The following TRPC5OS variants were observed in gnomAD, a reference collection of about 807,000 sequenced individuals.
TRPC5OS encodes TRPC5 opposite strand, also known as putative uncharacterized protein TRPC5OS.
For synonymous variants in TRPC5OS, 30 were observed against 29.3 expected, an observed-to-expected ratio of 1.02 and a Z score of -0.08; for missense variants, 64 against 79.3, an observed-to-expected ratio of 0.81 and a Z score of 0.73.
intron 1 of TRPC5OS, among the ~76,000 whole-genome samples, chrX:111,878,085 G>A (rs935899695): frequency 3.6e-5 from 4 of 110,582 alleles, no homozygotes; most frequent in African/African-American, 1.3e-4. Flanking sequence ...TGAGGAGAAG[G>A]GAAAGAGTAG....
intron 1 of TRPC5OS, among the ~76,000 whole-genome samples, chrX:111,891,839 G>A (rs761702884): frequency 1.8e-5 from 2 of 111,868 alleles, no homozygotes; most frequent in African/African-American, 6.5e-5. Flanking sequence ...GAGCCACCGC[G>A]CTTGGCCGCT....
intron 1 of TRPC5OS, among the ~76,000 whole-genome samples, chrX:111,882,653 G>C (rs915457755): frequency 1.8e-5 from 2 of 112,867 alleles, no homozygotes; most frequent in African/African-American, 3.2e-5. Flanking sequence ...CCTAGTTAAG[G>C]CTTGCTCAGC....
intron 3 of TRPC5OS, among the ~76,000 whole-genome samples, chrX:111,898,886 G>A (rs1483394276): frequency 9.1e-6 from 1 of 109,944 alleles, no homozygotes; most frequent in African/African-American, 3.3e-5. Context: ...CCACCAAGGA[G>A]AAAGGGATCC....
At chrX:111,878,981 A>AG (rs1924081610) in intron 1 of TRPC5OS, among the ~76,000 whole-genome samples, 1 of 112,179 alleles carries the variant, frequency 8.9e-6, no homozygotes, top group Non-Finnish European at 1.9e-5. Context: ...TACTGAAACA[A>AG]TGCCAACATA....
rs1409202717 is a variant in TRPC5OS at position 111,902,076 on chromosome X, CAA to C, written c.228_229del (p.Glu78GlyfsTer2). Reference sequence around the variant, plus strand: ...TCAGACTTAGACTCAATACTTACACCAAGAGAGGATGAAGACCTAATATTTGA... The same window carrying C: ...TCAGACTTAGACTCAATACTTACACCGAGAGGATGAAGACCTAATATTTGA... On this transcript the variant is annotated frameshift_variant, in exon 4 of 4. Transcript: ENST00000635763. LOFTEE classifies it low-confidence loss of function (END_TRUNC). The C allele has an allele frequency of 8.7e-7, 1 of 1,152,488 alleles. No individual in the cohort carries two copies. Among genetic ancestry groups the C allele is most frequent in the East Asian group, 3.3e-5 (1 of 30,673 alleles). 95.0% of individuals were successfully genotyped at this position (1,152,488 alleles called of 1,213,427 possible).
intron 3 of TRPC5OS, among the ~76,000 whole-genome samples, chrX:111,900,049 GATACT>G (rs918530813): frequency 1.3e-4 from 15 of 111,357 alleles, no homozygotes; most frequent in African/African-American, 4.9e-4. Context: ...GCTAAGTGGA[GATACT>G]ATACAACTGA....
intron 3 of TRPC5OS, among the ~76,000 whole-genome samples, chrX:111,899,437 G>T (rs1925233328): frequency 9.0e-6 from 1 of 111,428 alleles, no homozygotes; most frequent in Non-Finnish European, 1.9e-5. Flanking sequence ...AAGAAAAGAT[G>T]ATGGAAAAGG....
chrX:111,883,095 A>AG (rs1401616874), intron 1 of TRPC5OS, among the ~76,000 whole-genome samples: 1 of 110,650 alleles, frequency 9.0e-6, no homozygotes, highest in Non-Finnish European at 1.9e-5. Flanking sequence ...CAAAAAAAAA[A>AG]AAAAAAAAAG....
chrX:111,888,880 G>C (rs951214032), intron 1 of TRPC5OS, among the ~76,000 whole-genome samples: 1 of 110,955 alleles, frequency 9.0e-6, no homozygotes, highest in Admixed American at 9.6e-5. Context: ...AGAGCCAACA[G>C]GATATCCTGG....
At chrX:111,893,304 A>G (rs368952156) in intron 1 of TRPC5OS, among the ~76,000 whole-genome samples, 2 of 110,930 alleles carry the variant, frequency 1.8e-5, no homozygotes, top group East Asian at 5.6e-4. Context: ...TTTGAAAACC[A>G]AAAAAATCTT....
At position 111,900,903 on chromosome X, in the gene TRPC5OS, A is replaced by G. The variant is rs182346204; in HGVS notation, c.-310-637A>G. On this transcript the variant is annotated intron_variant, in intron 3 of 3. Coordinates refer to ENST00000635763, the MANE Select transcript of TRPC5OS (RefSeq NM_001195578.2). ...AGCCAATATCTAGATTTTCAAACAA[A>G]TAATATTGCCTTACACAAATATATA... Among the ~76,000 whole-genome samples, 4 of 111,866 alleles carry G rather than the reference A, an allele frequency of 3.6e-5. No homozygotes were observed. In the East Asian group the frequency reaches 1.1e-3, roughly 31 times the overall value.
At chrX:111,899,362 A>G (rs760444337) in intron 3 of TRPC5OS, among the ~76,000 whole-genome samples, 3 of 111,823 alleles carry the variant, frequency 2.7e-5, no homozygotes, top group Non-Finnish European at 3.8e-5. Flanking sequence ...CAATAAATAC[A>G]ATAAAAATTT....
intron 3 of TRPC5OS, among the ~76,000 whole-genome samples, chrX:111,898,770 G>A (rs1280219317): frequency 9.1e-6 from 1 of 110,312 alleles, no homozygotes; most frequent in African/African-American, 3.3e-5. Flanking sequence ...GTGTGTAATG[G>A]GAAAGGAATG....
intron 1 of TRPC5OS, among the ~76,000 whole-genome samples, chrX:111,891,470 C>T (rs1481650694): frequency 1.8e-5 from 2 of 112,156 alleles, no homozygotes; most frequent in African/African-American, 3.2e-5. Flanking sequence ...GAGTCAGTTA[C>T]CCTCTTTGGT....
rs1380434512 is a variant in TRPC5OS, at chrX:111,901,995, C to T, written c.146C>T (p.Thr49Ile). The T allele has an allele frequency of 3.5e-6, 4 of 1,153,913 alleles. No homozygotes were observed. The highest frequency in any genetic ancestry group is 4.6e-6 in the Non-Finnish European group (4 of 872,403). The stretch of plus-strand genomic sequence containing the variant: ...GAAGAAAATGGTAGAGCAGAAGAGA[C>T]TGAAGCAGATGCACCTCTTCCCGAG... ...YVEENGRAEETEADAPLPEEP... is the reference protein window; with the variant it reads ...YVEENGRAEEIEADAPLPEEP... The change falls in exon 4 of 4, where the codon ACT (threonine) becomes ATT (isoleucine). Residue 49 changes from threonine to isoleucine, a missense_variant. By Grantham distance (89) the Thr-to-Ile change is moderately conservative. Transcript: ENST00000635763.
chrX:111,892,376 T>G (rs1317251243), intron 1 of TRPC5OS, among the ~76,000 whole-genome samples: 2 of 112,321 alleles, frequency 1.8e-5, no homozygotes, highest in African/African-American at 6.5e-5. Context: ...GCCAATTACT[T>G]TCCAAGTGGA....
chrX:111,897,711 G>A, intron 3 of TRPC5OS, among the ~76,000 whole-genome samples: 1 of 111,398 alleles, frequency 9.0e-6, no homozygotes, highest in Non-Finnish European at 1.9e-5. Context: ...CCTCTCAGTA[G>A]TGCCTTTCTT....
intron 1 of TRPC5OS, among the ~76,000 whole-genome samples, chrX:111,883,171 A>C (rs777078648): frequency 3.8e-4 from 43 of 112,200 alleles, no homozygotes; most frequent in Non-Finnish European, 7.3e-4. Context: ...AGCTTGGTTA[A>C]TACCTCATTA....
Position 111,900,354 on chromosome X carries a change from A to G in TRPC5OS, c.-310-1186A>G, listed in dbSNP as rs1004718471. Among the ~76,000 whole-genome samples the G allele has an allele frequency of 3.8e-4, 43 of 111,882 alleles. 1 individual carries two copies. The highest frequency in any genetic ancestry group is 1.4e-3 in the African/African-American group (42 of 30,797). On this transcript the variant is annotated intron_variant, in intron 3 of 3. Coordinates refer to ENST00000635763, the MANE Select transcript of TRPC5OS (RefSeq NM_001195578.2). Reference sequence around the variant, plus strand: ...AGTTAGCCCAATTTACAGAATTAATAGCCAGAAATTTAACATGTAGATATA... The same window carrying G: ...AGTTAGCCCAATTTACAGAATTAATGGCCAGAAATTTAACATGTAGATATA...
Sources: gnomAD v4.1 joint callset for allele counts (sites outside exome capture counted in the v4.1 genomes callset) on GRCh38, gnomAD v4.1.1 for gene constraint, MANE v1.5 for transcripts, NCBI Gene and HGNC (gene_info 2026-07-23, HGNC 2026-07-21) for gene names.